CAPN13: variants seen among roughly 807,000 people sequenced by gnomAD.
The protein encoded by CAPN13 is calpain-13.
In CAPN13, 90 loss-of-function variants were observed where a neutral mutation model predicts 98.4. That is an observed-to-expected ratio of 0.92 (90% CI 0.77 to 1.09). The LOEUF is 1.09. Ranked by LOEUF, CAPN13 falls within the 50% of genes least tolerant of loss-of-function variation. The probability of loss-of-function intolerance (pLI) is 0.00; values close to 1 mark genes in which losing one functional copy is unlikely to be tolerated. For missense variants in CAPN13, 887 were observed against 841.3 expected (o/e 1.05, Z -0.67); for synonymous variants, 330 against 305.5 (o/e 1.08, Z -0.84).
At chr2:30,798,883 AG>A (rs1226547125) in intron 1 of CAPN13, among the ~76,000 whole-genome samples, 1 of 152,152 alleles carries the variant, frequency 6.6e-6, no homozygotes, top group Non-Finnish European at 1.5e-5. Flanking sequence ...TCTGCTGACA[AG>A]GAACAAGGAA....
In CAPN13 at chr2:30,770,466, C is replaced by G; in HGVS notation, c.388-17G>C. The G allele has an allele frequency of 6.2e-7, 1 of 1,612,422 alleles. No homozygotes were observed. Among genetic ancestry groups the G allele is most frequent in the Non-Finnish European group, 8.5e-7 (1 of 1,178,806 alleles). On this transcript the variant is annotated splice_polypyrimidine_tract_variant and intron_variant, in intron 4 of 22. Transcript: ENST00000295055. ...TTGCCAGAACTGGAAGAGAGCCAAG[C>G]ATATGCTTTGACAGAGTTGAGGCAG...
intron 8 of CAPN13, among the ~76,000 whole-genome samples, chr2:30,757,688 C>A (rs1356095039): frequency 7.2e-5 from 11 of 152,192 alleles, no homozygotes; most frequent in Non-Finnish European, 5.9e-5. Flanking sequence ...CAAGTCGGGG[C>A]TTGGCTCCTG....
chr2:30,736,432 G>A (rs191106321), intron 18 of CAPN13, 71 bp downstream of exon 18: 1 of 1,460,150 alleles, frequency 6.8e-7, no homozygotes, highest in East Asian at 2.3e-5. Context: ...CCTGGTGCAG[G>A]GTTAGACACC....
At chr2:30,798,353 G>C (rs1262836982) in intron 1 of CAPN13, among the ~76,000 whole-genome samples, 1 of 152,142 alleles carries the variant, frequency 6.6e-6, no homozygotes, top group Non-Finnish European at 1.5e-5. Flanking sequence ...ACTCTACACG[G>C]GGTCCCAGGA....
At chr2:30,752,258 T>G (rs1402714574) in intron 10 of CAPN13, among the ~76,000 whole-genome samples, 1 of 152,208 alleles carries the variant, frequency 6.6e-6, no homozygotes, top group African/African-American at 2.4e-5. Flanking sequence ...GGGATGCATA[T>G]GCATCCCTGG....
chr2:30,741,709 C>T, intron 15 of CAPN13, 199 bp downstream of exon 15: 1 of 1,431,696 alleles, frequency 7.0e-7, no homozygotes, highest in Non-Finnish European at 9.1e-7. Context: ...CCCCGGATGA[C>T]ACTGGGTGGG....
chr2:30,758,504 G>T (rs1039927950), intron 7 of CAPN13, among the ~76,000 whole-genome samples: 4 of 152,172 alleles, frequency 2.6e-5, no homozygotes, highest in African/African-American at 9.7e-5. Flanking sequence ...CCTCCTCCAA[G>T]CCCTGTCATG....
At chr2:30,767,462 G>T (rs13003439) in intron 5 of CAPN13, among the ~76,000 whole-genome samples, 114,559 of 152,128 alleles carry the variant, frequency 0.75, 43,599 homozygotes, top group African/African-American at 0.86. Context: ...AAGTCATCAT[G>T]TCCTTCTGCA....
At chr2:30,762,515 A>T (rs1672898706) in intron 7 of CAPN13, among the ~76,000 whole-genome samples, 4 of 152,180 alleles carry the variant, frequency 2.6e-5, no homozygotes, top group Admixed American at 2.6e-4. Context: ...ATATGGACGT[A>T]TGAGTGTCTC....
intron 1 of CAPN13, among the ~76,000 whole-genome samples, chr2:30,804,179 T>A (rs750846209): frequency 3.9e-4 from 59 of 152,162 alleles, no homozygotes; most frequent in Non-Finnish European, 6.9e-4. Flanking sequence ...CTGGTTCCTT[T>A]GTTTTGGCTT....
At chr2:30,799,534 G>T (rs1018569581) in intron 1 of CAPN13, among the ~76,000 whole-genome samples, 3 of 152,182 alleles carry the variant, frequency 2.0e-5, no homozygotes, top group Non-Finnish European at 2.9e-5. Context: ...AACAGAAGAA[G>T]TTTAGGCAGC....
At chr2:30,759,834 A>G (rs113321465) in intron 7 of CAPN13, among the ~76,000 whole-genome samples, 3 of 152,270 alleles carry the variant, frequency 2.0e-5, no homozygotes, top group African/African-American at 7.2e-5. Flanking sequence ...GTGACCCTTG[A>G]GCCACCTGGT....
At chr2:30,770,274 C>A (rs764437282) in intron 5 of CAPN13, 39 bp downstream of exon 5, 2 of 1,606,300 alleles carry the variant, frequency 1.2e-6, no homozygotes, top group Admixed American at 1.7e-5. Context: ...AGGACCAGCA[C>A]TGAAACTCTG....
At chr2:30,738,495 G>A (rs768535327) in intron 15 of CAPN13, 38 bp from the exon 16 acceptor site, 16 of 1,573,206 alleles carry the variant, frequency 1.0e-5, no homozygotes, top group Non-Finnish European at 1.1e-5. Flanking sequence ...AATTATATCA[G>A]TGCCAGGATC....
At chr2:30,777,802 G>A (rs1202224051) in intron 2 of CAPN13, among the ~76,000 whole-genome samples, 163 bp from the exon 3 acceptor site, 1 of 152,190 alleles carries the variant, frequency 6.6e-6, no homozygotes, top group Non-Finnish European at 1.5e-5. Flanking sequence ...ATTGCTACCA[G>A]GAAGGCAGCA....
intron 14 of CAPN13, 47 bp from the exon 15 acceptor site, chr2:30,742,011 GC>G: frequency 6.4e-7 from 1 of 1,554,208 alleles, no homozygotes; most frequent in Non-Finnish European, 8.9e-7. Context: ...GGGGAAGGAG[GC>G]CACCCATCTG....
chr2:30,786,901 G>GTGC (rs1402393469), intron 2 of CAPN13, among the ~76,000 whole-genome samples: 2 of 152,280 alleles, frequency 1.3e-5, no homozygotes, highest in East Asian at 3.9e-4. Context: ...TAATTTAGTG[G>GTGC]TGTACTTAGT....
chr2:30,752,061 G>A (rs993976670), intron 10 of CAPN13, among the ~76,000 whole-genome samples: 1 of 152,320 alleles, frequency 6.6e-6, no homozygotes, highest in Middle Eastern at 3.4e-3. Flanking sequence ...TCAGGAAGAG[G>A]AATCAGTAAA....
chr2:30,792,847 A>C (rs1396488550), intron 1 of CAPN13, among the ~76,000 whole-genome samples: 1 of 152,000 alleles, frequency 6.6e-6, no homozygotes, highest in African/African-American at 2.4e-5. Flanking sequence ...AATGTAAAAA[A>C]AAGAAGAAGA....
Sources: allele counts gnomAD v4.1 joint callset (sites outside exome capture counted in the v4.1 genomes callset), GRCh38; gene constraint gnomAD v4.1.1; transcripts MANE v1.5; gene names NCBI Gene and HGNC (gene_info 2026-07-23, HGNC 2026-07-21).